KHDRBS2: variants seen among roughly 807,000 people sequenced by gnomAD.
The protein encoded by KHDRBS2 is KH RNA binding domain containing, signal transduction associated 2.
A neutral mutation model predicts 44.3 loss-of-function variants in KHDRBS2; 26 were observed. The ratio of observed to expected loss-of-function variants is 0.59; its 90% CI spans 0.43 to 0.81. The LOEUF is 0.81. Among genes scored for constraint, KHDRBS2 ranks in the 40% least tolerant of loss-of-function variants. The probability of loss-of-function intolerance (pLI) is 0.00; values close to 1 mark genes in which losing one functional copy is unlikely to be tolerated. For missense variants in KHDRBS2, 476 were observed against 433.1 expected, an observed-to-expected ratio of 1.10 and a Z score of -0.88; for synonymous variants, 194 against 151.1, an observed-to-expected ratio of 1.28 and a Z score of -2.08.
intron 3 of KHDRBS2, among the ~76,000 whole-genome samples, chr6:62,010,087 A>G (rs115496713): frequency 5.8e-4 from 89 of 152,246 alleles, no homozygotes; most frequent in African/African-American, 1.9e-3. Flanking sequence ...CAGCCCATGA[A>G]GGCAGCCTGG....
At chr6:62,005,921 G>A (rs1386810912) in intron 3 of KHDRBS2, among the ~76,000 whole-genome samples, 3 of 151,974 alleles carry the variant, frequency 2.0e-5, no homozygotes, top group South Asian at 2.1e-4. Flanking sequence ...TAACATTGAC[G>A]AAATTATACC....
chr6:61,599,314 G>A, the KHDRBS2 span, among the ~76,000 whole-genome samples: 2 of 152,066 alleles, frequency 1.3e-5, no homozygotes, highest in Non-Finnish European at 2.9e-5. Flanking sequence ...TCTCTAAATA[G>A]TATTCTTTCA....
chr6:61,673,163 G>A, the KHDRBS2 span, among the ~76,000 whole-genome samples: 1 of 151,994 alleles, frequency 6.6e-6, no homozygotes, highest in Non-Finnish European at 1.5e-5. Flanking sequence ...TTGTAGATAT[G>A]TGGTGTTATT....
intron 6 of KHDRBS2, among the ~76,000 whole-genome samples, chr6:61,735,425 C>T (rs1259293527): frequency 2.6e-5 from 4 of 152,078 alleles, no homozygotes; most frequent in Non-Finnish European, 5.9e-5. Context: ...TGTGAAGTCC[C>T]CAGTTAAATT....
chr6:61,774,976 G>C (rs547981079), intron 6 of KHDRBS2, among the ~76,000 whole-genome samples: 8 of 152,188 alleles, frequency 5.3e-5, no homozygotes, highest in Non-Finnish European at 8.8e-5. Flanking sequence ...GGGATGCAAG[G>C]CTGGTTCAAC....
chr6:61,555,087 C>A, the KHDRBS2 span, among the ~76,000 whole-genome samples: 5,140 of 152,204 alleles, frequency 0.034, 123 homozygotes, highest in Non-Finnish European at 0.055. Context: ...GAATAATAAC[C>A]TGAAATATGT....
chr6:61,766,115 T>TA (rs1779972494), intron 6 of KHDRBS2, among the ~76,000 whole-genome samples: 1 of 152,030 alleles, frequency 6.6e-6, no homozygotes, highest in South Asian at 2.1e-4. Flanking sequence ...TCAGGCTTTT[T>TA]TTTTGCTGGA....
At chr6:61,671,450 G>A in the KHDRBS2 span, among the ~76,000 whole-genome samples, 1 of 151,620 alleles carries the variant, frequency 6.6e-6, no homozygotes, top group Non-Finnish European at 1.5e-5. Flanking sequence ...TATTTCTCCT[G>A]TTTTCTCAAT....
At chr6:61,935,224 T>C (rs1390828385) in intron 4 of KHDRBS2, among the ~76,000 whole-genome samples, 1 of 152,164 alleles carries the variant, frequency 6.6e-6, no homozygotes, top group African/African-American at 2.4e-5. Context: ...CCCTAAGAGA[T>C]AGCATCCCTG....
At chr6:61,876,163 C>T (rs1049039160) in intron 6 of KHDRBS2, among the ~76,000 whole-genome samples, 1 of 151,970 alleles carries the variant, frequency 6.6e-6, no homozygotes, top group African/African-American at 2.4e-5. Flanking sequence ...CAGTTGTTCC[C>T]TCTATGCCTT....
intron 7 of KHDRBS2, among the ~76,000 whole-genome samples, chr6:61,699,213 C>A (rs1768279510): frequency 6.6e-6 from 1 of 151,926 alleles, no homozygotes; most frequent in African/African-American, 2.4e-5. Context: ...GAAGCCCAGA[C>A]ACCATTTAAT....
intron 6 of KHDRBS2, among the ~76,000 whole-genome samples, chr6:61,767,384 C>T (rs142502270): frequency 2.0e-5 from 3 of 152,076 alleles, no homozygotes; most frequent in East Asian, 3.9e-4. Flanking sequence ...GGCAACATAT[C>T]ATTTGGTCTT....
chr6:62,109,285 C>A (rs1344786074), intron 2 of KHDRBS2, among the ~76,000 whole-genome samples: 13 of 151,870 alleles, frequency 8.6e-5, no homozygotes, highest in Non-Finnish European at 1.8e-4. Flanking sequence ...TTGAAAATAT[C>A]CAATATCCAT....
At chr6:62,058,420 C>T (rs573414113) in intron 2 of KHDRBS2, among the ~76,000 whole-genome samples, 16 of 151,974 alleles carry the variant, frequency 1.1e-4, no homozygotes, top group African/African-American at 3.6e-4. Flanking sequence ...GATGAATCTC[C>T]TTTTTAATCA....
intron 1 of KHDRBS2, among the ~76,000 whole-genome samples, chr6:62,201,914 A>G (rs1262018600): frequency 2.0e-5 from 3 of 152,060 alleles, no homozygotes; most frequent in South Asian, 4.1e-4. Context: ...CATATGAAAT[A>G]TATCTCCTGG....
chr6:61,971,185 A>T (rs923340247), intron 4 of KHDRBS2, among the ~76,000 whole-genome samples: 2 of 152,112 alleles, frequency 1.3e-5, no homozygotes, highest in African/African-American at 4.8e-5. Flanking sequence ...ATCCTTACAT[A>T]CACTACGTAG....
At chr6:62,054,709 G>GAA (rs1224636490) in intron 2 of KHDRBS2, among the ~76,000 whole-genome samples, 1 of 152,028 alleles carries the variant, frequency 6.6e-6, no homozygotes, top group African/African-American at 2.4e-5. Flanking sequence ...CTATTAGGTG[G>GAA]AAAAGTCAGG....
chr6:61,921,605 C>A (rs1424081588), intron 4 of KHDRBS2, among the ~76,000 whole-genome samples: 1 of 152,004 alleles, frequency 6.6e-6, no homozygotes, highest in Admixed American at 6.6e-5. Flanking sequence ...ACATCTCCAA[C>A]ACACTCTTTT....
intron 3 of KHDRBS2, among the ~76,000 whole-genome samples, chr6:62,028,443 T>G (rs1783764870): frequency 6.6e-6 from 1 of 152,124 alleles, no homozygotes; most frequent in Non-Finnish European, 1.5e-5. Flanking sequence ...TTGGCAGATT[T>G]AATCCTGTGT....
Sources: allele counts gnomAD v4.1 joint callset (sites outside exome capture counted in the v4.1 genomes callset), GRCh38; gene constraint gnomAD v4.1.1; transcripts MANE v1.5; gene names NCBI Gene and HGNC (gene_info 2026-07-23, HGNC 2026-07-21).